Variants in ALDH2 observed in about 807,000 individuals in gnomAD.
ALDH2 encodes the protein aldehyde dehydrogenase, mitochondrial.
ALDH2 carries 44 observed loss-of-function variants against 59.6 expected under a neutral mutation model. The ratio of observed to expected loss-of-function variants is 0.74; its 90% CI spans 0.58 to 0.95. The LOEUF (loss-of-function observed/expected upper bound fraction) is 0.95, where lower values mean the gene tolerates loss of function less well. Among genes scored for constraint, ALDH2 ranks in the 40% least tolerant of loss-of-function variants. The probability of loss-of-function intolerance (pLI) is 0.00; values close to 1 mark genes in which losing one functional copy is unlikely to be tolerated. For missense variants in ALDH2, 570 were observed against 696.3 expected (o/e 0.82, Z 2.04); for synonymous variants, 291 against 284.0 (o/e 1.02, Z -0.25).
intron 5 of ALDH2, 25 bp downstream of exon 5, chr12:111,789,959 C>T (rs779701360): frequency 1.2e-6 from 2 of 1,603,526 alleles, no homozygotes; most frequent in Non-Finnish European, 1.7e-6. Flanking sequence ...CCTGGAGTTT[C>T]TTCAGGGTGC....
rs1035974154 is a variant in ALDH2, at chr12:111,767,070, C to G, written c.88C>G (p.Gln30Glu). The change falls in exon 1 of 13, where the codon CAG becomes GAG. Residue 30 changes from glutamine to glutamate, a missense_variant. Coordinates refer to ENST00000261733, the MANE Select transcript of ALDH2 (RefSeq NM_000690.4). ...AATQAVPAPN[Q>E]QPEVFCNQIF... ...CACCCAGGCCGTGCCTGCCCCCAAC[C>G]AGCAGCCCGAGGTCTTCTGCAACCA... 4 of 1,527,468 alleles carry G rather than the reference C, an allele frequency of 2.6e-6. No individual in the cohort carries two copies. The highest frequency in any genetic ancestry group is 3.5e-6 in the Non-Finnish European group (4 of 1,143,428). 94.6% of individuals were successfully genotyped at this position (1,527,468 alleles called of 1,614,324 possible). A position where few individuals can be genotyped will look rare whatever the true frequency, so the allele number is the denominator to read the frequency against.
At position 111,810,106 on chromosome 12, in the gene ALDH2, C is replaced by A. The variant is rs1003682570; in HGVS notation, c.*531C>A. The A allele has an allele frequency of 3.0e-5, 5 of 165,964 alleles. No homozygotes were observed. The highest frequency in any genetic ancestry group is 7.2e-5 in the African/African-American group (3 of 41,790). The allele number at this position is 165,964 out of a possible 1,614,324, so 10.3% of individuals were successfully genotyped here. A position where few individuals can be genotyped will look rare whatever the true frequency, so the allele number is the denominator to read the frequency against. On this transcript the variant is annotated 3_prime_UTR_variant, in exon 13 of 13. Transcript: ENST00000261733. ...TCACTCGAGGTCAGGAGTTTGAGAC[C>A]AGCCTGGCCAACGTAGTGAAACCCT...
intron 9 of ALDH2, among the ~76,000 whole-genome samples, chr12:111,795,840 C>T (rs1043847760): frequency 1.3e-5 from 2 of 152,044 alleles, no homozygotes; most frequent in Non-Finnish European, 2.9e-5. Flanking sequence ...ATCCGCCCAC[C>T]TCAGCTTCCC....
chr12:111,796,345 A>T (rs75898575), intron 9 of ALDH2, among the ~76,000 whole-genome samples: 2,578 of 150,808 alleles, frequency 0.017, 78 homozygotes, highest in African/African-American at 0.058. Context: ...TTTTTTTTTT[A>T]AAAAAAAGCA....
intron 1 of ALDH2, among the ~76,000 whole-genome samples, chr12:111,777,493 G>A (rs2068241751): frequency 6.6e-6 from 1 of 152,182 alleles, no homozygotes; most frequent in Admixed American, 6.5e-5. Context: ...GCTGACCCAA[G>A]TGCTTTGCTG....
chr12:111,797,147 C>G (rs1377739299), intron 9 of ALDH2, among the ~76,000 whole-genome samples: 2 of 152,038 alleles, frequency 1.3e-5, no homozygotes, highest in Non-Finnish European at 2.9e-5. Context: ...GTTGGCCAGG[C>G]TAGTCTTGAA....
chr12:111,808,887 T>C (rs2068516249), intron 12 of ALDH2, among the ~76,000 whole-genome samples: 1 of 151,994 alleles, frequency 6.6e-6, no homozygotes, highest in African/African-American at 2.4e-5. Context: ...GGAGTAGGAT[T>C]GGCGACTCTG....
Position 111,809,702 on chromosome 12 carries a change from G to T in ALDH2, c.*127G>T. ...GAAATTTTTCCTACAAAATCTCTTG[G>T]GTCAAGAAAGTTCTAGAATTTGAAT... is the stretch of plus-strand genomic sequence containing the variant. On this transcript the variant is annotated 3_prime_UTR_variant, in exon 13 of 13. Coordinates refer to ENST00000261733, the MANE Select transcript of ALDH2 (RefSeq NM_000690.4). 9.4e-7 allele frequency: 1 copy of T among 1,062,934 alleles called. No homozygotes were observed. 65.8% of individuals were successfully genotyped at this position (1,062,934 alleles called of 1,614,324 possible).
At chr12:111,775,890 T>C (rs1199844846) in intron 1 of ALDH2, among the ~76,000 whole-genome samples, 2 of 152,216 alleles carry the variant, frequency 1.3e-5, no homozygotes, top group East Asian at 1.9e-4. Flanking sequence ...AGCCACTGAG[T>C]CTGGCTCTGG....
chr12:111,769,504 A>G (rs1311568753), intron 1 of ALDH2, among the ~76,000 whole-genome samples: 2 of 152,068 alleles, frequency 1.3e-5, no homozygotes, highest in Non-Finnish European at 2.9e-5. Context: ...TGTCTCTTGT[A>G]GACATTTTGT....
chr12:111,782,000 G>A lies in ALDH2; in HGVS notation c.197G>A (p.Cys66Tyr). The change falls in exon 2 of 13, where the codon TGT (cysteine) becomes TAT (tyrosine). Residue 66 changes from cysteine (C) to tyrosine (Y), a missense_variant. Cys to Tyr is a radical substitution (Grantham distance 194). Transcript: ENST00000261733. Reference protein sequence around the residue: ...TVNPSTGEVICQVAEGDKEDV... With the variant: ...TVNPSTGEVIYQVAEGDKEDV... The stretch of plus-strand genomic sequence containing the variant: ...AATCCGTCCACTGGAGAGGTCATCT[G>A]TCAGGTAGCTGAAGGGGACAAGGTG... The A allele has an allele frequency of 6.2e-7, 1 of 1,613,938 alleles. No homozygotes were observed. Among genetic ancestry groups the A allele is most frequent in the Non-Finnish European group, 8.5e-7 (1 of 1,179,854 alleles).
At chr12:111,798,354 A>C in intron 10 of ALDH2, 112 bp downstream of exon 10, 13 of 1,190,036 alleles carry the variant, frequency 1.1e-5, no homozygotes, top group South Asian at 1.6e-5. Context: ...GCCAGATCTC[A>C]AGTTATACCC....
intron 11 of ALDH2, 57 bp from the exon 12 acceptor site, chr12:111,803,802 G>A (rs2068472392): frequency 7.7e-7 from 1 of 1,291,182 alleles, no homozygotes; most frequent in South Asian, 1.5e-5. Flanking sequence ...AGGGGGTCCT[G>A]GGAGTGTAAC....
intron 9 of ALDH2, among the ~76,000 whole-genome samples, chr12:111,796,181 G>A (rs2068401796): frequency 6.6e-6 from 1 of 151,946 alleles, no homozygotes; most frequent in Non-Finnish European, 1.5e-5. Context: ...AACTATTTGG[G>A]CGTGGTGGTG....
At chr12:111,783,021 A>C in intron 2 of ALDH2, 137 bp from the exon 3 acceptor site, 1 of 1,095,516 alleles carries the variant, frequency 9.1e-7, no homozygotes, top group Non-Finnish European at 1.3e-6. Flanking sequence ...CTGCCGGGCT[A>C]GGAGCATTGT....
intron 8 of ALDH2, 146 bp downstream of exon 8, chr12:111,792,309 CT>C: frequency 1.4e-6 from 1 of 725,410 alleles, no homozygotes; most frequent in Non-Finnish European, 2.3e-6. Context: ...AGCGCAGGGC[CT>C]GCATGGCCTG....
intron 4 of ALDH2, among the ~76,000 whole-genome samples, chr12:111,789,417 G>A (rs111756501): frequency 7.3e-5 from 11 of 151,262 alleles, no homozygotes; most frequent in African/African-American, 2.7e-4. Context: ...GCTTGAACCT[G>A]GGGGGCCGAG....
rs6489793 is a variant in ALDH2 at position 111,812,080 on chromosome 12, T to G, written c.*2505T>G. 0.35 allele frequency: 54,012 copies of G among 152,544 alleles called. 14,024 individuals are homozygous for G. The highest frequency in any genetic ancestry group is 0.85 in the East Asian group (4,420 of 5,198). The allele number at this position is 152,544 out of a possible 1,614,324, so 9.4% of individuals were successfully genotyped here. ...CCCTGCCTGGCAGCCAAGGCAGAGA[T>G]AGACAGGGAGAGAGAGAGACAGCTT... On this transcript the variant is annotated 3_prime_UTR_variant, in exon 13 of 13. Coordinates refer to ENST00000261733, the MANE Select transcript of ALDH2 (RefSeq NM_000690.4).
chr12:111,775,244 A>G (rs2068226525), intron 1 of ALDH2, among the ~76,000 whole-genome samples: 1 of 152,172 alleles, frequency 6.6e-6, no homozygotes, highest in African/African-American at 2.4e-5. Flanking sequence ...CCTGGCACAC[A>G]GCAGGTAGAA....
Sources: gnomAD v4.1 joint callset for allele counts (sites outside exome capture counted in the v4.1 genomes callset) on GRCh38, gnomAD v4.1.1 for gene constraint, MANE v1.5 for transcripts, NCBI Gene and HGNC (gene_info 2026-07-23, HGNC 2026-07-21) for gene names.